Variants in ZNF410 observed in about 807,000 individuals in gnomAD.
The protein encoded by ZNF410 is another partner for ARF 1.
Under a neutral mutation model 54.8 loss-of-function variants are expected in ZNF410, and 18 were observed. The ratio of observed to expected loss-of-function variants is 0.33; its 90% confidence interval spans 0.23 to 0.49. ZNF410 has a LOEUF of 0.49. ZNF410 is among the 20% of genes least tolerant of loss of function. The pLI is 0.99. For missense variants in ZNF410, 405 were observed against 569.6 expected, an observed-to-expected ratio of 0.71 and a Z score of 2.94; for synonymous variants, 191 against 207.3, an observed-to-expected ratio of 0.92 and a Z score of 0.68.
chr14:73,928,672 G>A (rs1223396856), intron 11 of ZNF410, among the ~76,000 whole-genome samples: 1 of 152,126 alleles, frequency 6.6e-6, no homozygotes, highest in Non-Finnish European at 1.5e-5. Context: ...ACCTGGGTGT[G>A]GTGGATCATG....
At position 73,898,815 on chromosome 14, in the gene ZNF410, C is replaced by T. The variant is rs115298838; in HGVS notation, c.580+553C>T. On this transcript the variant is annotated intron_variant, in intron 5 of 11. Coordinates refer to ENST00000555044, the MANE Select transcript of ZNF410 (RefSeq NM_021188.3). ...CATGCCTATACTACTTACTCTGTGT[C>T]ACTTTTCTCTGTTCTAGTAATTTTC... 3.1e-3 allele frequency among the ~76,000 whole-genome samples: 476 copies of T among 152,286 alleles called. 1 individual carries two copies. The highest frequency in any genetic ancestry group is 0.011 in the African/African-American group (464 of 41,570).
chr14:73,921,275 T>C, intron 9 of ZNF410, 170 bp downstream of exon 9: 4 of 711,434 alleles, frequency 5.6e-6, no homozygotes, highest in East Asian at 6.3e-5. Context: ...TAGAATCATC[T>C]GCAACCTTTT....
chr14:73,901,715 G>A (rs1280557921), intron 5 of ZNF410, among the ~76,000 whole-genome samples: 1 of 151,158 alleles, frequency 6.6e-6, no homozygotes, highest in Non-Finnish European at 1.5e-5. Context: ...TGGATCTGTT[G>A]AGCTCAGGAG....
At chr14:73,898,865 C>T (rs953616356) in intron 5 of ZNF410, among the ~76,000 whole-genome samples, 9 of 152,212 alleles carry the variant, frequency 5.9e-5, no homozygotes, top group Non-Finnish European at 7.3e-5. Context: ...GGATCATTGA[C>T]GTCACGTGGG....
At chr14:73,892,733 C>T (rs1469195697) in intron 2 of ZNF410, among the ~76,000 whole-genome samples, 3 of 152,290 alleles carry the variant, frequency 2.0e-5, no homozygotes, top group East Asian at 3.9e-4. Context: ...CCTAACTAGT[C>T]TTGTGACCTT....
In ZNF410 at chr14:73,922,190, C is replaced by G. The variant is rs1425565107; in HGVS notation, c.1254C>G (p.Ile418Met). The G allele has an allele frequency of 6.2e-7, 1 of 1,613,814 alleles. No individual in the cohort carries two copies. The highest frequency in any genetic ancestry group is 1.1e-5 in the South Asian group (1 of 91,040). The change falls in exon 10 of 12, where the codon ATC (isoleucine) becomes ATG (methionine). Residue 418 changes from isoleucine to methionine, a missense_variant. Physicochemically the swap from Ile to Met is conservative, Grantham distance 10. Around this residue, in one of 3 missense-constraint regions of ZNF410, gnomAD observed 127 missense variants for 141.3 expected, o/e 0.90. Transcript: ENST00000555044. ...ESLNLPNTNS[I>M]LGVDDEVLAE... Reference sequence around the variant, plus strand: ...TGAACCTACCAAATACCAATTCTATCCTGGGAGTTGATGATGGTAAGACTT... The same window carrying G: ...TGAACCTACCAAATACCAATTCTATGCTGGGAGTTGATGATGGTAAGACTT...
chr14:73,893,639 G>T (rs2055265466), intron 2 of ZNF410, 158 bp from the exon 3 acceptor site: 1 of 827,250 alleles, frequency 1.2e-6, no homozygotes, highest in Non-Finnish European at 1.7e-6. Flanking sequence ...CTAGAACAGA[G>T]AACTTGATAA....
intron 9 of ZNF410, 135 bp downstream of exon 9, chr14:73,921,240 A>G: frequency 8.7e-7 from 1 of 1,145,674 alleles, no homozygotes; most frequent in East Asian, 2.5e-5. Context: ...TGATGGGCTG[A>G]TGGTTTCCAA....
intron 8 of ZNF410, among the ~76,000 whole-genome samples, chr14:73,918,686 CTT>C (rs71115932): frequency 0.032 from 2,360 of 74,326 alleles, 43 homozygotes; most frequent in East Asian, 0.2. Flanking sequence ...TTCATATGGC[CTT>C]TTTTTTTTTT....
At chr14:73,893,653 A>T in intron 2 of ZNF410, 144 bp from the exon 3 acceptor site, 1 of 910,658 alleles carries the variant, frequency 1.1e-6, no homozygotes, top group Non-Finnish European at 1.5e-6. Context: ...TTGATAAAAT[A>T]ACTTTAGATA....
intron 8 of ZNF410, among the ~76,000 whole-genome samples, chr14:73,918,972 A>G (rs1594763312): frequency 7.5e-6 from 1 of 134,078 alleles, no homozygotes; most frequent in African/African-American, 2.9e-5. Flanking sequence ...TGCCTGGATT[A>G]CAGGAGTAAG....
chr14:73,895,989 A>G (rs896459048), intron 3 of ZNF410, among the ~76,000 whole-genome samples: 3 of 152,222 alleles, frequency 2.0e-5, no homozygotes, highest in African/African-American at 4.8e-5. Flanking sequence ...TTCATTGTAT[A>G]GCTATATTTT....
intron 1 of ZNF410, among the ~76,000 whole-genome samples, chr14:73,889,398 C>T (rs374440435): frequency 6.9e-6 from 1 of 145,290 alleles, no homozygotes; most frequent in Non-Finnish European, 1.5e-5. Flanking sequence ...CGCCACTGCA[C>T]TCCAGCCTGC....
At chr14:73,928,259 T>C (rs1056209340) in intron 11 of ZNF410, among the ~76,000 whole-genome samples, 1 of 151,516 alleles carries the variant, frequency 6.6e-6, no homozygotes, top group African/African-American at 2.4e-5. Context: ...GAAGTAGGAG[T>C]TGGAAGAATA....
intron 3 of ZNF410, chr14:73,894,497 C>T (rs2055281677): frequency 1.5e-6 from 1 of 682,504 alleles, no homozygotes; most frequent in East Asian, 2.7e-5. Context: ...TCTTGGCTCA[C>T]TGCAACCTCC....
At chr14:73,927,271 GT>G in intron 11 of ZNF410, 1 of 189,486 alleles carries the variant, frequency 5.3e-6, no homozygotes, top group South Asian at 6.0e-5. Flanking sequence ...TAGAGACGGG[GT>G]TTCACCATGT....
intron 8 of ZNF410, among the ~76,000 whole-genome samples, chr14:73,912,791 A>G (rs1193085223): frequency 6.6e-6 from 1 of 151,326 alleles, no homozygotes; most frequent in Non-Finnish European, 1.5e-5. Context: ...TGAGTTGTTC[A>G]TTGGTAGTAT....
rs945773488 is a variant in ZNF410, at chr14:73,931,601, A to G, written c.*60A>G. 4 of 1,512,866 alleles carry G rather than the reference A, an allele frequency of 2.6e-6. No homozygotes were observed. Among genetic ancestry groups the G allele is most frequent in the Non-Finnish European group, 2.7e-6 (3 of 1,091,568 alleles). The allele number at this position is 1,512,866 out of a possible 1,614,324, so 93.7% of individuals were successfully genotyped here. ...CTGATCTCAAAATGCGTATACTGGG[A>G]ACAGGATGCCTTAGCCCACAACAGA... On this transcript the variant is annotated 3_prime_UTR_variant, in exon 12 of 12. Coordinates refer to ENST00000555044, the MANE Select transcript of ZNF410 (RefSeq NM_021188.3).
At chr14:73,902,065 G>A (rs1409375178) in intron 5 of ZNF410, 2 of 148,698 alleles carry the variant, frequency 1.3e-5, no homozygotes, top group East Asian at 2.0e-4. Flanking sequence ...TGTGCTATAT[G>A]TGTAGTTTTT....
Sources: gnomAD v4.1 joint callset for allele counts (sites outside exome capture counted in the v4.1 genomes callset) on GRCh38, gnomAD v4.1.1 for gene constraint, gnomAD v4.1.1 regional missense constraint, MANE v1.5 for transcripts, NCBI Gene and HGNC (gene_info 2026-07-23, HGNC 2026-07-21) for gene names.